The following TBK1 variants were observed in gnomAD, a reference collection of about 807,000 sequenced individuals.
TBK1 encodes the protein serine/threonine-protein kinase TBK1.
Under a neutral mutation model 99.9 loss-of-function variants are expected in TBK1, and 37 were observed. The observed-to-expected ratio is 0.37, with a 90% CI of 0.28 to 0.49. The LOEUF (loss-of-function observed/expected upper bound fraction) is 0.49. Ranked by LOEUF, TBK1 falls within the 20% of genes least tolerant of loss-of-function variation. The pLI is 0.98. For synonymous variants in TBK1, 258 were observed against 279.8 expected, an observed-to-expected ratio of 0.92 and a Z score of 0.78; for missense variants, 644 against 872.5, an observed-to-expected ratio of 0.74 and a Z score of 3.30.
In TBK1 at chr12:64,496,974, A is replaced by G. The variant is rs1410381636; in HGVS notation, c.1786A>G (p.Lys596Glu). 1.9e-6 allele frequency: 3 copies of G among 1,612,750 alleles called. No homozygotes were observed. Among genetic ancestry groups the G allele is most frequent in the South Asian group, 2.2e-5 (2 of 90,864 alleles). ...GCAAAAACTGTATTACCATGCCACA[A>G]AAGCTATGACGCACTTTACAGATGA... ...DKQKLYYHAT[K>E]AMTHFTDECV... Residue 596 changes from lysine to glutamate, a missense_variant, in exon 17 of 21, where the codon AAA becomes GAA. By Grantham distance (56) the Lys-to-Glu change is moderately conservative (BLOSUM62 1). Coordinates refer to ENST00000331710, the MANE Select transcript of TBK1 (RefSeq NM_013254.4).
At chr12:64,456,581 C>G (rs56198126) in intron 2 of TBK1, among the ~76,000 whole-genome samples, 13,311 of 152,210 alleles carry the variant, frequency 0.087, 795 homozygotes, top group Middle Eastern at 0.22. Flanking sequence ...TGGCTCACGC[C>G]TGTAATCCCA....
At chr12:64,492,762 C>T (rs915726594) in intron 13 of TBK1, among the ~76,000 whole-genome samples, 5 of 150,048 alleles carry the variant, frequency 3.3e-5, no homozygotes, top group Admixed American at 6.7e-5. Context: ...CTCACTCTTT[C>T]GCCAGGTTGG....
chr12:64,484,567 G>T (rs2040800218), intron 9 of TBK1, 68 bp downstream of exon 9: 1 of 1,451,374 alleles, frequency 6.9e-7, no homozygotes, highest in South Asian at 1.4e-5. Context: ...GGGCAACATA[G>T]TGAGACCTTG....
Position 64,459,963 on chromosome 12 carries a change from T to C in TBK1, c.88-226T>C, listed in dbSNP as rs1310611076. On this transcript the variant is annotated intron_variant, in intron 2 of 20. Coordinates refer to ENST00000331710, the MANE Select transcript of TBK1 (RefSeq NM_013254.4). ...TTTATTTATAATATGAAAGAAAATA[T>C]CCATTTCTGAATTCCAAAAGGTGTA... Among the ~76,000 whole-genome samples the C allele has an allele frequency of 2.6e-5, 4 of 152,208 alleles. No homozygotes were observed. In the East Asian group the frequency reaches 7.7e-4, roughly 29 times the overall value.
intron 5 of TBK1, among the ~76,000 whole-genome samples, chr12:64,469,284 G>A (rs969921220): frequency 3.3e-5 from 5 of 151,958 alleles, no homozygotes; most frequent in South Asian, 2.1e-4. Context: ...AATTCTCCAC[G>A]TGAATGTAAG....
chr12:64,457,000 A>G (rs1350803531), intron 2 of TBK1, among the ~76,000 whole-genome samples: 1 of 152,206 alleles, frequency 6.6e-6, no homozygotes, highest in Non-Finnish European at 1.5e-5. Context: ...AAAATGGAGT[A>G]CAAAGTTCAT....
chr12:64,466,869 A>T, intron 4 of TBK1, 32 bp from the exon 5 acceptor site: 1 of 1,509,642 alleles, frequency 6.6e-7, no homozygotes, highest in Non-Finnish European at 8.9e-7. Context: ...AAATATCTAC[A>T]TTATGACTTC....
chr12:64,453,160 A>C (rs2040446261), intron 1 of TBK1, among the ~76,000 whole-genome samples: 1 of 152,220 alleles, frequency 6.6e-6, no homozygotes, highest in South Asian at 2.1e-4. Flanking sequence ...TCATGTTTTA[A>C]CATGTTATTG....
intron 20 of TBK1, among the ~76,000 whole-genome samples, chr12:64,500,931 G>A (rs2040982145): frequency 6.6e-6 from 1 of 151,848 alleles, no homozygotes; most frequent in Admixed American, 6.6e-5. Context: ...GCTAATTTTT[G>A]TATTTTTAGT....
At chr12:64,457,830 G>A (rs1306932334) in intron 2 of TBK1, among the ~76,000 whole-genome samples, 1 of 152,184 alleles carries the variant, frequency 6.6e-6, no homozygotes, top group African/African-American at 2.4e-5. Context: ...ATAAGTGAAT[G>A]AATGAGGACT....
At chr12:64,501,169 T>A (rs993509947) in intron 20 of TBK1, among the ~76,000 whole-genome samples, 161 bp from the exon 21 acceptor site, 1 of 152,248 alleles carries the variant, frequency 6.6e-6, no homozygotes, top group Non-Finnish European at 1.5e-5. Flanking sequence ...TTTATGATAA[T>A]ACCATGCTGT....
chr12:64,493,739 A>T (rs1240373804), intron 13 of TBK1, among the ~76,000 whole-genome samples: 1 of 152,190 alleles, frequency 6.6e-6, no homozygotes, highest in African/African-American at 2.4e-5. Context: ...TGAGTCAGCA[A>T]CTCACTGGCA....
chr12:64,484,005 TCACATACA>T, intron 8 of TBK1: 1 of 136,196 alleles, frequency 7.3e-6, no homozygotes, highest in African/African-American at 3.7e-5. Context: ...AAACTCTGTC[TCACATACA>T]CACACACACA....
At chr12:64,478,971 T>A (rs960277386) in intron 6 of TBK1, among the ~76,000 whole-genome samples, 2 of 152,254 alleles carry the variant, frequency 1.3e-5, no homozygotes, top group Non-Finnish European at 2.9e-5. Flanking sequence ...TGATTTTATC[T>A]GACACCCTTG....
At chr12:64,499,798 A>C (rs2040969595) in intron 20 of TBK1, among the ~76,000 whole-genome samples, 1 of 148,124 alleles carries the variant, frequency 6.8e-6, no homozygotes, top group Non-Finnish European at 1.5e-5. Context: ...CCCGAGTTCA[A>C]GCGTTTCTCC....
At chr12:64,486,453 T>C (rs926525321) in intron 11 of TBK1, among the ~76,000 whole-genome samples, 1 of 152,076 alleles carries the variant, frequency 6.6e-6, no homozygotes, top group Non-Finnish European at 1.5e-5. Context: ...TTTTTTCTTT[T>C]TGAGACAGGG....
chr12:64,463,336 C>T (rs1214528516), intron 3 of TBK1, among the ~76,000 whole-genome samples: 2 of 150,974 alleles, frequency 1.3e-5, no homozygotes, highest in Non-Finnish European at 2.9e-5. Flanking sequence ...GCCGAGATCG[C>T]GCCACTGCGC....
chr12:64,494,343 A>G (rs1308190384), intron 13 of TBK1, among the ~76,000 whole-genome samples: 6 of 151,994 alleles, frequency 3.9e-5, no homozygotes, highest in Non-Finnish European at 7.4e-5. Flanking sequence ...GCAAGACGCA[A>G]TAGCACGCAC....
intron 3 of TBK1, among the ~76,000 whole-genome samples, chr12:64,460,851 A>G (rs1474534197): frequency 6.6e-6 from 1 of 151,020 alleles, no homozygotes; most frequent in Admixed American, 6.6e-5. Context: ...AAAAAAAAAA[A>G]GAAAGGATCA....
Sources: gnomAD v4.1 joint callset for allele counts (sites outside exome capture counted in the v4.1 genomes callset) on GRCh38, gnomAD v4.1.1 for gene constraint, MANE v1.5 for transcripts, NCBI Gene and HGNC (gene_info 2026-07-23, HGNC 2026-07-21) for gene names.